Variants in TENM4 observed in about 807,000 individuals in gnomAD.
TENM4 encodes teneurin-4.
Under a neutral mutation model 243.3 loss-of-function variants are expected in TENM4, and 82 were observed. The ratio of observed to expected loss-of-function variants is 0.34; its 90% CI spans 0.28 to 0.40. The LOEUF is 0.40. TENM4 is among the 10% of genes least tolerant of loss of function. TENM4 has a pLI of 1.00. For missense variants in TENM4, 3,138 were observed against 3,673.3 expected (o/e 0.85, Z 3.77); for synonymous variants, 1,412 against 1,456.3 (o/e 0.97, Z 0.69).
intron 1 of TENM4, among the ~76,000 whole-genome samples, chr11:79,376,161 T>A (rs1017380622): frequency 1.3e-5 from 2 of 152,186 alleles, no homozygotes; most frequent in Non-Finnish European, 2.9e-5. Context: ...AGGGAACGCA[T>A]CCAATGGAAG....
intron 3 of TENM4, among the ~76,000 whole-genome samples, chr11:79,212,182 G>A (rs1169313598): frequency 6.6e-6 from 1 of 152,174 alleles, no homozygotes; most frequent in Non-Finnish European, 1.5e-5. Context: ...ACATGATGTG[G>A]GTTCCCTGGC....
intron 25 of TENM4, among the ~76,000 whole-genome samples, chr11:78,717,210 G>A (rs943566766): frequency 6.6e-6 from 1 of 152,188 alleles, no homozygotes; most frequent in Non-Finnish European, 1.5e-5. Flanking sequence ...ATGAGCTGAA[G>A]CCAAGCTTCA....
Position 78,805,501 on chromosome 11 carries a change from T to A in TENM4, c.1979-9A>T, listed in dbSNP as rs377555328. The A allele has an allele frequency of 5.3e-4, 835 of 1,566,796 alleles. No individual in the cohort carries two copies. Among genetic ancestry groups the A allele is most frequent in the Non-Finnish European group, 6.3e-4 (729 of 1,155,926 alleles). On this transcript the variant is annotated splice_polypyrimidine_tract_variant and intron_variant, in intron 14 of 33. Coordinates refer to ENST00000278550, the MANE Select transcript of TENM4 (RefSeq NM_001098816.3). ...GGGGTCCATGCAGTCCACTGTGAGA[T>A]GGAGGAAGGAGAACATAGGTAAGCA...
intron 1 of TENM4, among the ~76,000 whole-genome samples, chr11:79,332,482 T>A (rs1857076177): frequency 6.6e-6 from 1 of 151,996 alleles, no homozygotes; most frequent in Non-Finnish European, 1.5e-5. Context: ...ACATGAAATC[T>A]CTTTTAAAAA....
chr11:79,115,958 G>A (rs1861610446), intron 4 of TENM4, among the ~76,000 whole-genome samples: 4 of 152,190 alleles, frequency 2.6e-5, no homozygotes, highest in Admixed American at 2.6e-4. Flanking sequence ...GGCAGAATCT[G>A]GGGGAATTTT....
chr11:79,283,284 T>C (rs1367059753), intron 2 of TENM4, among the ~76,000 whole-genome samples: 4 of 144,018 alleles, frequency 2.8e-5, no homozygotes, highest in African/African-American at 7.7e-5. Flanking sequence ...AATAGAAAAA[T>C]ACAAATTTTT....
chr11:79,005,916 T>C (rs1759318550), intron 6 of TENM4, among the ~76,000 whole-genome samples: 1 of 152,202 alleles, frequency 6.6e-6, no homozygotes, highest in Admixed American at 6.5e-5. Flanking sequence ...ACAAAATCAG[T>C]GTACAAAAAT....
At chr11:79,222,464 C>T (rs1864180794) in intron 2 of TENM4, among the ~76,000 whole-genome samples, 1 of 152,176 alleles carries the variant, frequency 6.6e-6, no homozygotes, top group Non-Finnish European at 1.5e-5. Context: ...CTGCAATAAA[C>T]ATATGTGTGC....
intron 6 of TENM4, among the ~76,000 whole-genome samples, chr11:79,020,632 C>A (rs1305453125): frequency 6.6e-6 from 1 of 151,816 alleles, no homozygotes; most frequent in Non-Finnish European, 1.5e-5. Flanking sequence ...TTAAAAAAAA[C>A]ATGAAAAAAT....
chr11:78,670,010 T>G lies in TENM4; in HGVS notation c.6335A>C (p.Asp2112Ala). ...PLPIDLYRYD[D>A]VSGKTEQFGK... ...AAACTGCTCTGTCTTGCCTGACACA[T>G]CATCATAGCGATAGAGATCAATGGG... The change falls in exon 32 of 34, where the codon GAT (aspartate) becomes GCT (alanine). Residue 2112 changes from aspartate to alanine, a missense_variant. By Grantham distance (126) the Asp-to-Ala change is moderately radical (BLOSUM62 -2). Coordinates refer to ENST00000278550, the MANE Select transcript of TENM4 (RefSeq NM_001098816.3). The G allele has an allele frequency of 6.2e-7, 1 of 1,613,952 alleles. No individual in the cohort carries two copies. Among genetic ancestry groups the G allele is most frequent in the Middle Eastern group, 1.6e-4 (1 of 6,062 alleles).
chr11:79,279,255 C>G (rs778790647), intron 2 of TENM4, among the ~76,000 whole-genome samples: 3 of 152,148 alleles, frequency 2.0e-5, no homozygotes, highest in Non-Finnish European at 4.4e-5. Flanking sequence ...ACCTTCTTCC[C>G]AGAAGGCCTT....
intron 6 of TENM4, among the ~76,000 whole-genome samples, chr11:78,977,433 T>C (rs186284192): frequency 3.2e-4 from 48 of 152,326 alleles, no homozygotes; most frequent in Non-Finnish European, 5.6e-4. Flanking sequence ...AGTCCCCTTT[T>C]ACAGATGAAT....
chr11:78,669,229 T>C lies in TENM4; in HGVS notation c.7116A>G (p.Gly2372=). The change falls in exon 32 of 34, where the codon GGA becomes GGG. Residue 2372 remains glycine, a synonymous_variant. Transcript: ENST00000278550. The surrounding 1 kb of genome is among the most constrained non-coding windows in gnomAD (Gnocchi z 6.4). ...NIGTPLAVFS[G]TGLMIKQILY... The stretch of plus-strand genomic sequence containing the variant: ...GGATTTGCTTGATCATCAAACCTGT[T>C]CCACTAAAGACAGCAAGAGGGGTCC... The C allele has an allele frequency of 6.2e-7, 1 of 1,613,918 alleles. No individual in the cohort carries two copies. Among genetic ancestry groups the C allele is most frequent in the African/African-American group, 1.3e-5 (1 of 75,006 alleles).
At chr11:78,729,664 A>C (rs1855604606) in intron 21 of TENM4, 21 bp from the exon 22 acceptor site, 1 of 1,589,806 alleles carries the variant, frequency 6.3e-7, no homozygotes, top group African/African-American at 1.3e-5. Context: ...GAGGCAGATC[A>C]CAGCAAGGGA....
At chr11:78,712,763 G>T (rs1463423641) in intron 25 of TENM4, 49 bp from the exon 26 acceptor site, 1 of 1,539,404 alleles carries the variant, frequency 6.5e-7, no homozygotes, top group Non-Finnish European at 8.9e-7. Flanking sequence ...TTCTTCCTAT[G>T]AGTAGCTGGA....
intron 15 of TENM4, among the ~76,000 whole-genome samples, chr11:78,796,064 C>T (rs538751808): frequency 2.0e-5 from 3 of 152,110 alleles, no homozygotes; most frequent in Non-Finnish European, 4.4e-5. Context: ...CCTTTCACCT[C>T]ATTCAAGGAG....
chr11:79,253,084 C>T lies in TENM4; in HGVS notation c.-264-37175G>A, dbSNP rs118122681. On this transcript the variant is annotated intron_variant, in intron 2 of 33. Coordinates refer to ENST00000278550, the MANE Select transcript of TENM4 (RefSeq NM_001098816.3). ...AGAAGGAATGCAACTTACCCAGTGT[C>T]ACACGAAAGTAAACTCAACAACTAA... 2.8e-4 allele frequency among the ~76,000 whole-genome samples: 43 copies of T among 152,332 alleles called. No individual in the cohort carries two copies. The South Asian group carries it at 4.6e-3, about 16-fold the overall frequency.
At chr11:79,261,920 T>C (rs1691823152) in intron 2 of TENM4, among the ~76,000 whole-genome samples, 1 of 152,168 alleles carries the variant, frequency 6.6e-6, no homozygotes, top group South Asian at 2.1e-4. Flanking sequence ...GCAAGTCATA[T>C]GCATGGTCCA....
Position 79,275,258 on chromosome 11 carries a change from C to T in TENM4, c.-265+22230G>A, listed in dbSNP as rs1856036134. On this transcript the variant is annotated intron_variant, in intron 2 of 33. Transcript: ENST00000278550. ...GTGTGTGTGTCTGTGTGTGCGCGCG[C>T]ATGCGGGCATGTGTTTGTGTGTGTT... is the stretch of plus-strand genomic sequence containing the variant. Among the ~76,000 whole-genome samples, 4 of 147,030 alleles carry T rather than the reference C, an allele frequency of 2.7e-5. No individual in the cohort carries two copies. The South Asian group carries it at 6.4e-4, about 23-fold the overall frequency.
Sources: allele counts gnomAD v4.1 joint callset (sites outside exome capture counted in the v4.1 genomes callset), GRCh38; gene constraint gnomAD v4.1.1; non-coding constraint Gnocchi (gnomAD v3.1); transcripts MANE v1.5; gene names NCBI Gene and HGNC (gene_info 2026-07-23, HGNC 2026-07-21).